Variants in SCHIP1 observed in about 807,000 individuals in gnomAD.
The protein encoded by SCHIP1 is schwannomin interacting protein 1.
In SCHIP1, 8 loss-of-function variants were observed where a neutral mutation model predicts 29.7. The observed-to-expected ratio is 0.27, with a 90% confidence interval of 0.16 to 0.49. SCHIP1 has a LOEUF of 0.49. Ranked by LOEUF, SCHIP1 falls within the 20% of genes least tolerant of loss-of-function variation. SCHIP1 has a pLI of 0.99. For synonymous variants in SCHIP1, 76 were observed against 94.9 expected, an observed-to-expected ratio of 0.80 and a Z score of 1.16; for missense variants, 193 against 294.6, an observed-to-expected ratio of 0.66 and a Z score of 2.52.
chr3:159,337,096 A>C, the SCHIP1 span, among the ~76,000 whole-genome samples: 1 of 152,318 alleles, frequency 6.6e-6, no homozygotes, highest in African/African-American at 2.4e-5. Context: ...AATGAAGAAA[A>C]CCATGATTAT....
intron 1 of SCHIP1, among the ~76,000 whole-genome samples, chr3:159,856,551 C>G (rs1328250743): frequency 6.6e-6 from 1 of 152,176 alleles, no homozygotes; most frequent in African/African-American, 2.4e-5. Context: ...AAGACTGGCT[C>G]CAACTTTGTT....
At chr3:159,696,989 A>T in the SCHIP1 span, among the ~76,000 whole-genome samples, 2 of 152,294 alleles carry the variant, frequency 1.3e-5, no homozygotes, top group African/African-American at 4.8e-5. Context: ...AGGAAGCCAG[A>T]TTTGTTTATC....
At chr3:159,829,886 A>G in the SCHIP1 span, among the ~76,000 whole-genome samples, 2 of 152,220 alleles carry the variant, frequency 1.3e-5, no homozygotes, top group African/African-American at 4.8e-5. Context: ...ATGAGAAGGT[A>G]CTGTTATAGA....
chr3:159,631,480 A>G, the SCHIP1 span, among the ~76,000 whole-genome samples: 1 of 152,218 alleles, frequency 6.6e-6, no homozygotes, highest in Non-Finnish European at 1.5e-5. Context: ...ACAATAAAAT[A>G]TTATTCAAGG....
the SCHIP1 span, among the ~76,000 whole-genome samples, chr3:159,819,945 A>G: frequency 6.6e-6 from 1 of 152,196 alleles, no homozygotes; most frequent in Admixed American, 6.5e-5. Context: ...TCATTCCTGC[A>G]TGATATTCCT....
chr3:159,677,827 G>T, the SCHIP1 span, among the ~76,000 whole-genome samples: 1 of 152,076 alleles, frequency 6.6e-6, no homozygotes, highest in African/African-American at 2.4e-5. Flanking sequence ...CACATCTATA[G>T]TTGCTCATCT....
the SCHIP1 span, among the ~76,000 whole-genome samples, chr3:159,680,722 A>ATATATAATATATATATATG: frequency 1.7e-4 from 1 of 5,992 alleles, no homozygotes; most frequent in Non-Finnish European, 4.9e-4. Flanking sequence ...TAATATATGT[A>ATATATAATATATATATATG]TATATATAAT....
the SCHIP1 span, among the ~76,000 whole-genome samples, chr3:159,442,091 G>A: frequency 6.6e-6 from 1 of 152,202 alleles, no homozygotes; most frequent in Non-Finnish European, 1.5e-5. Context: ...TGTGGCTAGA[G>A]TAGAGTGTGA....
the SCHIP1 span, among the ~76,000 whole-genome samples, chr3:159,425,190 A>G: frequency 6.6e-6 from 1 of 152,168 alleles, no homozygotes; most frequent in African/African-American, 2.4e-5. Context: ...CACACATAAC[A>G]ATATTAACTT....
intron 1 of SCHIP1, among the ~76,000 whole-genome samples, chr3:159,845,190 C>T (rs1711618644): frequency 6.6e-6 from 1 of 152,208 alleles, no homozygotes; most frequent in African/African-American, 2.4e-5. Context: ...TACCCACACA[C>T]CACCTGCTCC....
the SCHIP1 span, among the ~76,000 whole-genome samples, chr3:159,691,820 G>C: frequency 1.3e-5 from 2 of 152,002 alleles, no homozygotes. Flanking sequence ...CTCAGCATTT[G>C]CTTGTCTGGA....
At chr3:159,383,321 C>T in the SCHIP1 span, among the ~76,000 whole-genome samples, 1 of 151,338 alleles carries the variant, frequency 6.6e-6, no homozygotes, top group Non-Finnish European at 1.5e-5. Context: ...CAGCTTTCTA[C>T]ATATGGCTAG....
the SCHIP1 span, among the ~76,000 whole-genome samples, chr3:159,315,359 CG>C: frequency 6.7e-6 from 1 of 149,814 alleles, no homozygotes; most frequent in Non-Finnish European, 1.5e-5. Context: ...CCACTATGCC[CG>C]GCTAATTTTT....
chr3:159,345,295 C>A, the SCHIP1 span, among the ~76,000 whole-genome samples: 6 of 150,292 alleles, frequency 4.0e-5, no homozygotes, highest in Non-Finnish European at 8.9e-5. Context: ...AAGCCAAATA[C>A]TAGAAAAAAA....
chr3:159,394,437 T>G, the SCHIP1 span, among the ~76,000 whole-genome samples: 1 of 152,156 alleles, frequency 6.6e-6, no homozygotes, highest in Non-Finnish European at 1.5e-5. Flanking sequence ...TTCAGTATGA[T>G]ATTGGCTGTG....
At chr3:159,617,049 G>T in the SCHIP1 span, among the ~76,000 whole-genome samples, 12 of 152,178 alleles carry the variant, frequency 7.9e-5, no homozygotes, top group African/African-American at 2.9e-4. Flanking sequence ...TACTCAACAT[G>T]CTGAGTTAGA....
At chr3:159,446,790 C>A in the SCHIP1 span, among the ~76,000 whole-genome samples, 4 of 152,046 alleles carry the variant, frequency 2.6e-5, no homozygotes, top group African/African-American at 9.7e-5. Context: ...GCCAAGAAAC[C>A]AAAAGGGTTG....
intron 1 of SCHIP1, among the ~76,000 whole-genome samples, chr3:159,854,558 G>GC (rs1713089678): frequency 6.6e-6 from 1 of 152,194 alleles, no homozygotes; most frequent in African/African-American, 2.4e-5. Flanking sequence ...ACAGGAATGA[G>GC]CACCAAGGTG....
chr3:159,574,157 G>C, the SCHIP1 span, among the ~76,000 whole-genome samples: 5 of 152,180 alleles, frequency 3.3e-5, no homozygotes, highest in Non-Finnish European at 5.9e-5. Flanking sequence ...TCCGTTGCTG[G>C]CGAGGAGCTG....
Sources: allele counts gnomAD v4.1 joint callset (sites outside exome capture counted in the v4.1 genomes callset), GRCh38; gene constraint gnomAD v4.1.1; transcripts MANE v1.5; gene names NCBI Gene and HGNC (gene_info 2026-07-23, HGNC 2026-07-21).